Variants in PDK1 observed in about 807,000 individuals in gnomAD.
PDK1 encodes [Pyruvate dehydrogenase (acetyl-transferring)] kinase isozyme 1, mitochondrial.
Under a neutral mutation model 54.2 loss-of-function variants are expected in PDK1, and 39 were observed. The ratio of observed to expected loss-of-function variants is 0.72; its 90% confidence interval spans 0.56 to 0.94. The LOEUF (loss-of-function observed/expected upper bound fraction) is 0.94, where lower values mean the gene tolerates loss of function less well. Ranked by LOEUF, PDK1 falls within the 40% of genes least tolerant of loss-of-function variation. The probability of loss-of-function intolerance (pLI) is 0.00; values close to 1 mark genes in which losing one functional copy is unlikely to be tolerated. For missense variants in PDK1, 552 were observed against 566.0 expected (o/e 0.98, Z 0.25); for synonymous variants, 221 against 207.1 (o/e 1.07, Z -0.58).
intron 8 of PDK1, among the ~76,000 whole-genome samples, chr2:172,575,593 A>G (rs1030636447): frequency 6.6e-6 from 1 of 151,834 alleles, no homozygotes; most frequent in South Asian, 2.1e-4. Flanking sequence ...AAGCCAAGGC[A>G]GGTGGATCAC....
At chr2:172,634,241 A>C in the PDK1 span, among the ~76,000 whole-genome samples, 1 of 76,856 alleles carries the variant, frequency 1.3e-5, no homozygotes, top group East Asian at 4.7e-4. Context: ...CCGTGTTAGA[A>C]GATATAGATG....
chr2:172,711,454 T>C, the PDK1 span, among the ~76,000 whole-genome samples: 1 of 152,224 alleles, frequency 6.6e-6, no homozygotes, highest in African/African-American at 2.4e-5. Context: ...AATGTGTGAA[T>C]AAACTAATAT....
chr2:172,586,253 G>T, intron 8 of PDK1, 25 bp from the exon 9 acceptor site: 1 of 1,430,342 alleles, frequency 7.0e-7, no homozygotes, highest in South Asian at 1.1e-5. Flanking sequence ...TTTGGGCATA[G>T]AGCACGATCC....
At chr2:172,570,650 G>C (rs945155199) in intron 7 of PDK1, 76 bp from the exon 8 acceptor site, 1 of 786,628 alleles carries the variant, frequency 1.3e-6, no homozygotes, top group Non-Finnish European at 2.2e-6. Context: ...ACTTCAAATA[G>C]TGCATATGTA....
intron 8 of PDK1, among the ~76,000 whole-genome samples, chr2:172,580,452 A>G (rs1689841844): frequency 6.6e-6 from 1 of 152,090 alleles, no homozygotes. Context: ...GCTGCTTTCT[A>G]TTGCTATTAT....
chr2:172,642,975 T>C, the PDK1 span, among the ~76,000 whole-genome samples: 2 of 152,204 alleles, frequency 1.3e-5, no homozygotes, highest in African/African-American at 4.8e-5. Context: ...AAACCTTTTC[T>C]CTTAGGACAT....
Position 172,562,937 on chromosome 2 carries a change from C to T in PDK1, c.410+646C>T, listed in dbSNP as rs1020896029. ...CATCTCTTGTCCTCAGTTAGTTACA[C>T]ATGTTTTTTGGACTGTCTTTAAAGT... On this transcript the variant is annotated intron_variant, in intron 3 of 10. Coordinates refer to ENST00000282077, the MANE Select transcript of PDK1 (RefSeq NM_002610.5). 21 of 718,752 alleles carry T rather than the reference C, an allele frequency of 2.9e-5. No individual in the cohort carries two copies. In the Admixed American group the frequency reaches 5.9e-4, roughly 20 times the overall value. 44.5% of individuals were successfully genotyped at this position (718,752 alleles called of 1,614,324 possible).
chr2:172,586,183 C>T, intron 8 of PDK1, 95 bp from the exon 9 acceptor site: 1 of 668,200 alleles, frequency 1.5e-6, no homozygotes, highest in Non-Finnish European at 2.6e-6. Context: ...AAAGCGCTCT[C>T]CCACCAGCAG....
At chr2:172,709,823 A>T in the PDK1 span, among the ~76,000 whole-genome samples, 1 of 152,184 alleles carries the variant, frequency 6.6e-6, no homozygotes, top group Non-Finnish European at 1.5e-5. Context: ...GTCACGGTGC[A>T]TCTGTTATTC....
In PDK1 at chr2:172,597,111, CT is replaced by C. The variant is rs199507707; in HGVS notation, c.*1154del. On this transcript the variant is annotated 3_prime_UTR_variant, in exon 11 of 11. Transcript: ENST00000282077. ...TTGCACGTGTCTTTTTTTCTTTTTT[CT>C]TTTTTTTTTTTCAAGACAGGGTCTC... 512 of 145,010 alleles carry C rather than the reference CT, an allele frequency of 3.5e-3. 4 individuals carry two copies. The highest frequency in any genetic ancestry group is 8.6e-3 in the East Asian group (43 of 5,000). 9.0% of individuals were successfully genotyped at this position (145,010 alleles called of 1,614,324 possible).
the PDK1 span, among the ~76,000 whole-genome samples, chr2:172,649,585 T>C: frequency 0.013 from 2,048 of 152,102 alleles, 24 homozygotes; most frequent in Non-Finnish European, 0.019. Flanking sequence ...GCTAAAAACC[T>C]TGAAAAAAAA....
At chr2:172,716,479 C>A in the PDK1 span, among the ~76,000 whole-genome samples, 10 of 151,972 alleles carry the variant, frequency 6.6e-5, no homozygotes, top group Non-Finnish European at 1.3e-4. Flanking sequence ...CACGTGCCAC[C>A]ACACCTGGCT....
rs1242627852 is a variant in PDK1, at chr2:172,597,131, G to A, written c.*1162G>A. 6.6e-6 allele frequency: 1 copy of A among 150,970 alleles called. No homozygotes were observed. The highest frequency in any genetic ancestry group is 1.5e-5 in the Non-Finnish European group (1 of 67,864). 9.4% of individuals were successfully genotyped at this position (150,970 alleles called of 1,614,324 possible). A position where few individuals can be genotyped will look rare whatever the true frequency, so the allele number is the denominator to read the frequency against. On this transcript the variant is annotated 3_prime_UTR_variant, in exon 11 of 11. Transcript: ENST00000282077. ...TTTTTCTTTTTTTTTTTTCAAGACA[G>A]GGTCTCGCTCTTTTGCCCAGGATGG...
chr2:172,600,116 A>G lies in PDK1; in HGVS notation c.*4147A>G, dbSNP rs773314784. 1 of 152,156 alleles carries G rather than the reference A, an allele frequency of 6.6e-6. No individual in the cohort carries two copies. Among genetic ancestry groups the G allele is most frequent in the Non-Finnish European group, 1.5e-5 (1 of 68,030 alleles). 9.4% of individuals were successfully genotyped at this position (152,156 alleles called of 1,614,324 possible). A position where few individuals can be genotyped will look rare whatever the true frequency, so the allele number is the denominator to read the frequency against. On this transcript the variant is annotated 3_prime_UTR_variant, in exon 11 of 11. Coordinates refer to ENST00000282077, the MANE Select transcript of PDK1 (RefSeq NM_002610.5). ...AATGCTGAGAAGGTTTTTTTTGGAA[A>G]CAGTTTATGAGGCCAGGACATTTTT... is the stretch of plus-strand genomic sequence containing the variant.
At chr2:172,670,616 TACTC>T in the PDK1 span, among the ~76,000 whole-genome samples, 1 of 152,166 alleles carries the variant, frequency 6.6e-6, no homozygotes, top group Non-Finnish European at 1.5e-5. Flanking sequence ...ATTAAGTAAA[TACTC>T]AAAGAAATAG....
At chr2:172,699,614 T>C in the PDK1 span, among the ~76,000 whole-genome samples, 2 of 152,248 alleles carry the variant, frequency 1.3e-5, no homozygotes, top group African/African-American at 4.8e-5. Flanking sequence ...TTCAGTCTTT[T>C]CAGGTTTCTT....
chr2:172,616,739 A>C, the PDK1 span, among the ~76,000 whole-genome samples: 1 of 152,202 alleles, frequency 6.6e-6, no homozygotes, highest in African/African-American at 2.4e-5. Flanking sequence ...GGTTAATTTT[A>C]AAAGCAATAA....
At chr2:172,657,146 C>T in the PDK1 span, among the ~76,000 whole-genome samples, 1 of 152,108 alleles carries the variant, frequency 6.6e-6, no homozygotes, top group Non-Finnish European at 1.5e-5. Context: ...CCTCAATTCT[C>T]TGATGGATCT....
the PDK1 span, among the ~76,000 whole-genome samples, chr2:172,669,757 T>A: frequency 6.6e-6 from 1 of 152,234 alleles, no homozygotes; most frequent in African/African-American, 2.4e-5. Flanking sequence ...TGATTAGAGA[T>A]GTTGAGCATT....
Sources: gnomAD v4.1 joint callset for allele counts (sites outside exome capture counted in the v4.1 genomes callset) on GRCh38, gnomAD v4.1.1 for gene constraint, MANE v1.5 for transcripts, NCBI Gene and HGNC (gene_info 2026-07-23, HGNC 2026-07-21) for gene names.